The following PTPN21 variants were observed in gnomAD, a reference collection of about 807,000 sequenced individuals.
PTPN21 encodes tyrosine-protein phosphatase non-receptor type 21.
In PTPN21, 77 loss-of-function variants were observed where a neutral mutation model predicts 131.8. That is an observed-to-expected ratio of 0.58 (90% CI 0.49 to 0.71). PTPN21 has a LOEUF of 0.71. Ranked by LOEUF, PTPN21 falls within the 30% of genes least tolerant of loss-of-function variation. The pLI is 0.00. For synonymous variants in PTPN21, 715 were observed against 621.3 expected, an observed-to-expected ratio of 1.15 and a Z score of -2.24; for missense variants, 1,552 against 1,527.1, an observed-to-expected ratio of 1.02 and a Z score of -0.27.
intron 8 of PTPN21, among the ~76,000 whole-genome samples, chr14:88,498,100 TA>T (rs61667883): frequency 4.5e-3 from 540 of 119,306 alleles, no homozygotes; most frequent in Admixed American, 4.5e-3. Flanking sequence ...AAACTCTGTC[TA>T]AAAAAAAAAA....
intron 10 of PTPN21, among the ~76,000 whole-genome samples, chr14:88,491,305 C>T (rs1401292460): frequency 2.0e-5 from 3 of 152,158 alleles, no homozygotes; most frequent in Non-Finnish European, 2.9e-5. Flanking sequence ...CCATCCCAAG[C>T]AGCAATAAAC....
At chr14:88,514,310 G>A (rs570381543) in intron 3 of PTPN21, among the ~76,000 whole-genome samples, 1 of 152,046 alleles carries the variant, frequency 6.6e-6, no homozygotes, top group Non-Finnish European at 1.5e-5. Flanking sequence ...AGATTTAAAT[G>A]GTTCTTTCAT....
chr14:88,489,240 T>C lies in PTPN21; in HGVS notation c.933-3398A>G, dbSNP rs184908062. ...TATTACTAAGCATTTACAGCTGAGC[T>C]TGTATTTCTAAGCCTCGTCTGAATT... On this transcript the variant is annotated intron_variant, in intron 10 of 18. Coordinates refer to ENST00000556564, the MANE Select transcript of PTPN21 (RefSeq NM_007039.4). Among the ~76,000 whole-genome samples the C allele has an allele frequency of 3.0e-4, 45 of 152,356 alleles. 2 individuals are homozygous for C. The South Asian group carries it at 5.0e-3, about 17-fold the overall frequency.
chr14:88,479,416 CCCA>C lies in PTPN21; in HGVS notation c.2012_2014del (p.Val671del). 6.2e-7 allele frequency: 1 copy of C among 1,601,674 alleles called. No individual in the cohort carries two copies. The highest frequency in any genetic ancestry group is 8.5e-7 in the Non-Finnish European group (1 of 1,178,250). ...CTCGGTGAAAACGCTGGGCTGGGAG[CCCA>C]CCGAGACGGCTCGCGGCGCCACCTC... is the stretch of plus-strand genomic sequence containing the variant. On this transcript the variant is annotated inframe_deletion, in exon 13 of 19. Transcript: ENST00000556564.
rs141168550 is a variant in PTPN21, at chr14:88,486,659, G to T, written c.933-817C>A. ...TTACCTTTCTTTGCAAGAAATTTCT[G>T]ATTTGTTTTGAATATACTTTTTAAA... On this transcript the variant is annotated intron_variant, in intron 10 of 18. Coordinates refer to ENST00000556564, the MANE Select transcript of PTPN21 (RefSeq NM_007039.4). Among the ~76,000 whole-genome samples, 211 of 152,204 alleles carry T rather than the reference G, an allele frequency of 1.4e-3. 2 individuals are homozygous for T. Among genetic ancestry groups the T allele is most frequent in the African/African-American group, 4.9e-3 (202 of 41,522 alleles).
rs371987178 is a variant in PTPN21 at position 88,472,365 on chromosome 14, C to T, written c.2750G>A (p.Arg917Gln). 12 of 1,613,536 alleles carry T rather than the reference C, an allele frequency of 7.4e-6. No homozygotes were observed. Among genetic ancestry groups the T allele is most frequent in the African/African-American group, 5.3e-5 (4 of 74,910 alleles). The change falls in exon 15 of 19, where the codon CGA becomes CAA. Residue 917 changes from arginine (R) to glutamine (Q), a missense_variant. Physicochemically the swap from Arg to Gln is conservative, Grantham distance 43 (BLOSUM62 1). Coordinates refer to ENST00000556564, the MANE Select transcript of PTPN21 (RefSeq NM_007039.4). The stretch of plus-strand genomic sequence containing the variant: ...ATTTCTTTCTGCATTTTCAGGGAGT[C>T]GTGCTGTTGAGCACTCCCCATCAAC... ...RLVDGECSTA[R>Q]LPENAERNRF...
intron 10 of PTPN21, among the ~76,000 whole-genome samples, chr14:88,486,197 CAGG>C (rs1028505812): frequency 3.3e-5 from 5 of 152,192 alleles, no homozygotes; most frequent in African/African-American, 1.2e-4. Flanking sequence ...ACACTTGTCG[CAGG>C]AGAAGCTGGA....
rs2077419000 is a variant in PTPN21 at position 88,469,403 on chromosome 14, GATAAC to G, written c.3235+91_3235+95del. 1 of 1,112,558 alleles carries G rather than the reference GATAAC, an allele frequency of 9.0e-7. No individual in the cohort carries two copies. Among genetic ancestry groups the G allele is most frequent in the Admixed American group, 2.0e-5 (1 of 49,388 alleles). The allele number at this position is 1,112,558 out of a possible 1,614,324, so 68.9% of individuals were successfully genotyped here. A position where few individuals can be genotyped will look rare whatever the true frequency, so the allele number is the denominator to read the frequency against. On this transcript the variant is annotated intron_variant, in intron 17 of 18. Transcript: ENST00000556564. The surrounding 1 kb of genome is among the most constrained non-coding windows in gnomAD (Gnocchi z 4.3). ...TAAAACAAGTCCGAAGCTTATATGAGATAACATAAAGGAAATATTTCGGAAACATA... is the reference window on the plus strand; with the variant it reads ...TAAAACAAGTCCGAAGCTTATATGAGATAAAGGAAATATTTCGGAAACATA...
chr14:88,479,283 G>GTCCTCC lies in PTPN21; in HGVS notation c.2142_2147dup (p.Glu714_Glu715dup). On this transcript the variant is annotated inframe_insertion, in exon 13 of 19. Transcript: ENST00000556564. ...CCCCGCTCTCCTCCTCGAAGTCCTC[G>GTCCTCC]TCCTCCTCCTCCTCGCTGCTGTGGA... 1 of 1,604,588 alleles carries GTCCTCC rather than the reference G, an allele frequency of 6.2e-7. No homozygotes were observed. Among genetic ancestry groups the GTCCTCC allele is most frequent in the Admixed American group, 1.7e-5 (1 of 59,528 alleles).
rs28380472 is a variant in PTPN21, at chr14:88,479,421, C to A, written c.2010G>T (p.Ser670=). The change falls in exon 13 of 19, where the codon TCG becomes TCT. Residue 670 remains serine, a synonymous_variant. Transcript: ENST00000556564. Reference sequence around the variant, plus strand: ...TGAAAACGCTGGGCTGGGAGCCCACCGAGACGGCTCGCGGCGCCACCTCTG... The same window carrying A: ...TGAAAACGCTGGGCTGGGAGCCCACAGAGACGGCTCGCGGCGCCACCTCTG... ...SAAEVAPRAV[S]VGSQPSVFTE... The A allele has an allele frequency of 4.4e-6, 7 of 1,602,434 alleles. No individual in the cohort carries two copies. In the South Asian group the frequency reaches 7.7e-5, roughly 18 times the overall value.
intron 2 of PTPN21, among the ~76,000 whole-genome samples, chr14:88,528,624 T>C (rs969310280): frequency 5.9e-5 from 9 of 152,236 alleles, no homozygotes; most frequent in East Asian, 1.9e-4. Flanking sequence ...TTTCTGGTGA[T>C]AGTGAATAAG....
At position 88,547,576 on chromosome 14, in the gene PTPN21, C is replaced by G. The variant is rs1023486498; in HGVS notation, c.180+2662G>C. ...GCTAAGGCAAAAGGATCACTTGAGC[C>G]TAGGTGTTTGAGGATGCATTGAGCT... On this transcript the variant is annotated intron_variant, in intron 2 of 18. Transcript: ENST00000556564. 1.8e-5 allele frequency: 8 copies of G among 440,738 alleles called. No individual in the cohort carries two copies. The East Asian group carries it at 5.2e-4, about 28-fold the overall frequency. The allele number at this position is 440,738 out of a possible 1,614,324, so 27.3% of individuals were successfully genotyped here.
At chr14:88,547,218 C>T (rs1335187087) in intron 2 of PTPN21, among the ~76,000 whole-genome samples, 1 of 151,212 alleles carries the variant, frequency 6.6e-6, no homozygotes, top group Non-Finnish European at 1.5e-5. Flanking sequence ...CACAGTTCCT[C>T]AAGAAGCTGA....
chr14:88,489,390 A>C (rs764464495), intron 10 of PTPN21, among the ~76,000 whole-genome samples: 8 of 152,176 alleles, frequency 5.3e-5, no homozygotes, highest in Non-Finnish European at 8.8e-5. Context: ...CTGTAATCCC[A>C]GGTACTTAGG....
chr14:88,499,929 C>T (rs1472451159), intron 8 of PTPN21, among the ~76,000 whole-genome samples: 1 of 152,194 alleles, frequency 6.6e-6, no homozygotes, highest in African/African-American at 2.4e-5. Context: ...CCTGTACTTT[C>T]ATTGTTCAGA....
chr14:88,501,089 T>C, intron 7 of PTPN21, 192 bp downstream of exon 7: 1 of 664,126 alleles, frequency 1.5e-6, no homozygotes, highest in Non-Finnish European at 2.7e-6. Context: ...TCAAGACCAT[T>C]TCAAAGTATG....
At chr14:88,510,421 A>G (rs570543075) in intron 3 of PTPN21, among the ~76,000 whole-genome samples, 1 of 152,364 alleles carries the variant, frequency 6.6e-6, no homozygotes, top group African/African-American at 2.4e-5. Context: ...AGTGATGAAG[A>G]GCTGGAGCTC....
At chr14:88,501,137 G>A (rs1455784525) in intron 7 of PTPN21, 144 bp downstream of exon 7, 1 of 766,122 alleles carries the variant, frequency 1.3e-6, no homozygotes, top group African/African-American at 1.7e-5. Flanking sequence ...ACAAAACTTT[G>A]GTCACCAGGA....
At chr14:88,538,768 G>T (rs907394400) in intron 2 of PTPN21, among the ~76,000 whole-genome samples, 1 of 152,122 alleles carries the variant, frequency 6.6e-6, no homozygotes, top group Non-Finnish European at 1.5e-5. Context: ...TCTAGCTGTG[G>T]TTTCCGCCAT....
Sources: allele counts gnomAD v4.1 joint callset (sites outside exome capture counted in the v4.1 genomes callset), GRCh38; gene constraint gnomAD v4.1.1; non-coding constraint Gnocchi (gnomAD v3.1); transcripts MANE v1.5; gene names NCBI Gene and HGNC (gene_info 2026-07-23, HGNC 2026-07-21).